Variants in SH3KBP1 observed in about 807,000 individuals in gnomAD.
SH3KBP1 encodes the protein SH3 domain-containing kinase-binding protein 1.
SH3KBP1 carries 8 observed loss-of-function variants against 50.1 expected under a neutral mutation model. The ratio of observed to expected loss-of-function variants is 0.16; its 90% CI spans 0.09 to 0.29. The LOEUF is 0.29. Ranked by LOEUF, SH3KBP1 falls within the 10% of genes least tolerant of loss-of-function variation. The pLI is 1.00. For missense variants in SH3KBP1, 377 were observed against 535.2 expected, an observed-to-expected ratio of 0.70 and a Z score of 2.92; for synonymous variants, 227 against 218.6, an observed-to-expected ratio of 1.04 and a Z score of -0.34.
chrX:19,881,446 T>C (rs987701086), intron 1 of SH3KBP1, among the ~76,000 whole-genome samples: 3 of 112,152 alleles, frequency 2.7e-5, no homozygotes, highest in African/African-American at 9.7e-5. Flanking sequence ...GGAGAAATGC[T>C]GTGCTTAGTT....
At chrX:19,617,256 C>T (rs1466127610) in intron 8 of SH3KBP1, among the ~76,000 whole-genome samples, 1 of 112,423 alleles carries the variant, frequency 8.9e-6, no homozygotes, top group African/African-American at 3.2e-5. Flanking sequence ...ATGTATTGTC[C>T]AATGCCTAAA....
intron 1 of SH3KBP1, among the ~76,000 whole-genome samples, chrX:19,843,574 A>G (rs1158843067): frequency 1.8e-5 from 2 of 111,192 alleles, no homozygotes; most frequent in Non-Finnish European, 3.8e-5. Context: ...GGTAATTCCC[A>G]AGACCTGCAT....
chrX:19,539,056 G>A (rs1313882839), intron 16 of SH3KBP1, among the ~76,000 whole-genome samples: 1 of 111,927 alleles, frequency 8.9e-6, no homozygotes, highest in Non-Finnish European at 1.9e-5. Context: ...TAGGATCCAC[G>A]GCCTAATGCC....
At chrX:19,576,547 C>T (rs1486803650) in intron 12 of SH3KBP1, among the ~76,000 whole-genome samples, 1 of 111,591 alleles carries the variant, frequency 9.0e-6, no homozygotes, top group Non-Finnish European at 1.9e-5. Context: ...TCGAGTGATC[C>T]TCCTGCCTCA....
chrX:19,662,249 G>A (rs2062479232), intron 6 of SH3KBP1, among the ~76,000 whole-genome samples: 1 of 111,805 alleles, frequency 8.9e-6, no homozygotes, highest in East Asian at 2.8e-4. Flanking sequence ...ACTAGTAGAT[G>A]ACGTAATTTC....
intron 6 of SH3KBP1, among the ~76,000 whole-genome samples, chrX:19,680,166 G>A (rs1412525004): frequency 2.7e-5 from 3 of 110,669 alleles, no homozygotes; most frequent in Non-Finnish European, 5.7e-5. Flanking sequence ...CTTGAGGTCA[G>A]GAGTTCAAGA....
At chrX:19,780,286 GTTGT>G (rs1323680594) in intron 2 of SH3KBP1, among the ~76,000 whole-genome samples, 4 of 97,030 alleles carry the variant, frequency 4.1e-5, no homozygotes, top group Non-Finnish European at 6.2e-5. Flanking sequence ...TTTTGATGGG[GTTGT>G]TTGTTTTTTT....
chrX:19,770,002 A>C (rs1442805624), intron 2 of SH3KBP1, among the ~76,000 whole-genome samples: 2 of 111,853 alleles, frequency 1.8e-5, no homozygotes, highest in African/African-American at 6.5e-5. Flanking sequence ...TGAATCTAAA[A>C]ATGGGCAAAG....
chrX:19,545,932 G>A lies in SH3KBP1; in HGVS notation c.1613C>T (p.Thr538Ile). ...DASKKTSKTV[T>I]ISQVSDNKAS... Reference sequence around the variant, plus strand: ...TGGCTGGTGACTCACTTGGGATATGGTAACAGTCTTGGAAGTTTTCTTTGA... The same window carrying A: ...TGGCTGGTGACTCACTTGGGATATGATAACAGTCTTGGAAGTTTTCTTTGA... Residue 538 changes from threonine (T) to isoleucine (I), a missense_variant, in exon 15 of 18, where the codon ACC becomes ATC. Transcript: ENST00000397821. The A allele has an allele frequency of 3.3e-6, 4 of 1,211,399 alleles. No individual in the cohort carries two copies. The highest frequency in any genetic ancestry group is 4.5e-6 in the Non-Finnish European group (4 of 895,190).
intron 9 of SH3KBP1, 93 bp downstream of exon 9, chrX:19,607,845 C>T: frequency 2.9e-6 from 2 of 695,693 alleles, no homozygotes; most frequent in Non-Finnish European, 4.6e-6. Flanking sequence ...TGTTCAAATG[C>T]CAGTGCTCTT....
chrX:19,541,904 C>A, intron 16 of SH3KBP1, 21 bp downstream of exon 16: 2 of 1,192,585 alleles, frequency 1.7e-6, no homozygotes, highest in Non-Finnish European at 2.3e-6. Context: ...TGACGGCCCC[C>A]AAGAGTCCCC....
intron 2 of SH3KBP1, among the ~76,000 whole-genome samples, chrX:19,761,061 G>A (rs1259161810): frequency 1.9e-5 from 2 of 102,789 alleles, no homozygotes; most frequent in African/African-American, 7.2e-5. Context: ...GGCGGCGGAG[G>A]TGTGATGGGA....
chrX:19,609,137 T>C (rs772133130), intron 8 of SH3KBP1, among the ~76,000 whole-genome samples: 2 of 112,355 alleles, frequency 1.8e-5, no homozygotes, highest in Non-Finnish European at 3.8e-5. Flanking sequence ...CATAATCTCA[T>C]GCCACAAAAC....
chrX:19,681,958 T>C (rs969494782), intron 6 of SH3KBP1, among the ~76,000 whole-genome samples: 3 of 110,645 alleles, frequency 2.7e-5, no homozygotes, highest in African/African-American at 9.9e-5. Context: ...GTGGAAGTGA[T>C]GAGACCTAGG....
At chrX:19,751,783 CA>C (rs2065073750) in intron 2 of SH3KBP1, among the ~76,000 whole-genome samples, 1 of 111,994 alleles carries the variant, frequency 8.9e-6, no homozygotes, top group African/African-American at 3.2e-5. Context: ...ATTCAGAGAC[CA>C]AAAAGCCAGA....
At chrX:19,600,385 G>GT (rs1406784000) in intron 9 of SH3KBP1, among the ~76,000 whole-genome samples, 1 of 109,702 alleles carries the variant, frequency 9.1e-6, no homozygotes, top group Non-Finnish European at 1.9e-5. Flanking sequence ...CCCTGTCTCA[G>GT]TAAAAAAAAA....
chrX:19,658,592 T>A (rs2062357331), intron 6 of SH3KBP1, among the ~76,000 whole-genome samples: 1 of 111,436 alleles, frequency 9.0e-6, no homozygotes, highest in African/African-American at 3.3e-5. Context: ...TGAGATGGTG[T>A]CTTGCATTGT....
intron 6 of SH3KBP1, among the ~76,000 whole-genome samples, chrX:19,671,152 C>T (rs2062783553): frequency 9.0e-6 from 1 of 111,615 alleles, no homozygotes; most frequent in African/African-American, 3.3e-5. Context: ...TGTGACCATT[C>T]GGACAAGGAA....
Position 19,821,337 on chromosome X carries a change from G to GC in SH3KBP1, c.162+14787dup, listed in dbSNP as rs759719834. ...ACCTGAGAGGCAGAGATTGCAGTGAGCCAAGAATGTGCCACTACACTCCAG... is the reference window on the plus strand; with the variant it reads ...ACCTGAGAGGCAGAGATTGCAGTGAGCCCAAGAATGTGCCACTACACTCCAG... On this transcript the variant is annotated intron_variant, in intron 2 of 17. Coordinates refer to ENST00000397821, the MANE Select transcript of SH3KBP1 (RefSeq NM_031892.3). Among the ~76,000 whole-genome samples the GC allele has an allele frequency of 5.4e-5, 6 of 111,253 alleles. No individual in the cohort carries two copies. The East Asian group carries it at 1.7e-3, about 32-fold the overall frequency.
Sources: gnomAD v4.1 joint callset for allele counts (sites outside exome capture counted in the v4.1 genomes callset) on GRCh38, gnomAD v4.1.1 for gene constraint, MANE v1.5 for transcripts, NCBI Gene and HGNC (gene_info 2026-07-23, HGNC 2026-07-21) for gene names.